Variants in DNAJC10 observed in about 807,000 individuals in gnomAD.
DNAJC10 encodes DnaJ heat shock protein family (Hsp40) member C10.
In DNAJC10, 101 loss-of-function variants were observed where a neutral mutation model predicts 115.0. The observed-to-expected ratio is 0.88, with a 90% CI of 0.75 to 1.04. The LOEUF is 1.04. DNAJC10 is among the 50% of genes least tolerant of loss of function. The pLI, the probability that DNAJC10 is intolerant of heterozygous loss-of-function variation, is 0.00. For missense variants in DNAJC10, 981 were observed against 928.8 expected (o/e 1.06, Z -0.73); for synonymous variants, 307 against 301.5 (o/e 1.02, Z -0.19).
In DNAJC10 at chr2:182,777,138, T is replaced by C; in HGVS notation, c.*6T>C. The C allele has an allele frequency of 1.4e-6, 2 of 1,406,142 alleles. No individual in the cohort carries two copies. The highest frequency in any genetic ancestry group is 1.9e-6 in the Non-Finnish European group (2 of 1,042,438). 87.1% of individuals were successfully genotyped at this position (1,406,142 alleles called of 1,614,324 possible). ...TATTATAGGATGAACTTTGATAATG[T>C]TGAAGATGAAGAAAAAGTTTAAAAG... On this transcript the variant is annotated 3_prime_UTR_variant, in exon 24 of 24. Coordinates refer to ENST00000264065, the MANE Select transcript of DNAJC10 (RefSeq NM_018981.4).
At chr2:182,752,294 A>G (rs1212731332) in intron 16 of DNAJC10, 106 bp downstream of exon 16, 6 of 517,536 alleles carry the variant, frequency 1.2e-5, no homozygotes, top group Admixed American at 3.7e-5. Context: ...TACATCTTCT[A>G]TTTAGAGTAG....
chr2:182,750,259 AT>A (rs1693981570), intron 14 of DNAJC10, among the ~76,000 whole-genome samples: 1 of 152,170 alleles, frequency 6.6e-6, no homozygotes, highest in Admixed American at 6.5e-5. Flanking sequence ...TAGAAAATGG[AT>A]TAGTTAAGGA....
intron 16 of DNAJC10, 74 bp downstream of exon 16, chr2:182,752,262 C>T: frequency 1.5e-6 from 1 of 687,618 alleles, no homozygotes; most frequent in Non-Finnish European, 2.3e-6. Flanking sequence ...ATTATTAAAA[C>T]ATTAAAATAA....
In DNAJC10 at chr2:182,783,111, T is replaced by C. The variant is rs1421077116; in HGVS notation, c.*5979T>C. ...TCTAGTTTTTTGAGTGTTTTTAGCA[T>C]GAAAGGGTGTTAATTTTATCGAAGG... On this transcript the variant is annotated 3_prime_UTR_variant, in exon 24 of 24. Transcript: ENST00000264065. The C allele has an allele frequency of 2.0e-5, 3 of 152,234 alleles. No individual in the cohort carries two copies. Among genetic ancestry groups the C allele is most frequent in the Non-Finnish European group, 4.4e-5 (3 of 68,046 alleles). 9.4% of individuals were successfully genotyped at this position (152,234 alleles called of 1,614,324 possible).
At chr2:182,754,775 G>A (rs1694114439) in intron 16 of DNAJC10, 1 of 1,256,418 alleles carries the variant, frequency 8.0e-7, no homozygotes, top group East Asian at 3.6e-5. Flanking sequence ...TGGTTCTCAT[G>A]GCGAATGGAG....
chr2:182,722,855 G>A (rs888836937), intron 5 of DNAJC10, among the ~76,000 whole-genome samples: 13 of 151,880 alleles, frequency 8.6e-5, no homozygotes, highest in Admixed American at 1.3e-4. Context: ...CACAAGAATC[G>A]CGTGAATCTG....
In DNAJC10 at chr2:182,774,817, A is replaced by AC. The variant is rs56680666; in HGVS notation, c.2266-491dup. Among the ~76,000 whole-genome samples the AC allele has an allele frequency of 3.5e-3, 534 of 151,956 alleles. 3 individuals carry two copies. The highest frequency in any genetic ancestry group is 6.0e-3 in the Non-Finnish European group (411 of 67,946). On this transcript the variant is annotated intron_variant, in intron 22 of 23. Coordinates refer to ENST00000264065, the MANE Select transcript of DNAJC10 (RefSeq NM_018981.4). ...CTTTGCACTTCCCGGGTGAGACAAC[A>AC]CCCCCCCCAATCCCCGCCCTGGCGT...
rs1694856442 is a variant in DNAJC10 at position 182,781,915 on chromosome 2, T to C, written c.*4783T>C. On this transcript the variant is annotated 3_prime_UTR_variant, in exon 24 of 24. Coordinates refer to ENST00000264065, the MANE Select transcript of DNAJC10 (RefSeq NM_018981.4). ...CATTCTGTAGGTTGCCTGTTCACTCTGATCATAGTTTCTTTTGCCATGCAG... is the reference window on the plus strand; with the variant it reads ...CATTCTGTAGGTTGCCTGTTCACTCCGATCATAGTTTCTTTTGCCATGCAG... 6.6e-6 allele frequency: 1 copy of C among 152,224 alleles called. No homozygotes were observed. Among genetic ancestry groups the C allele is most frequent in the Admixed American group, 6.5e-5 (1 of 15,280 alleles). 9.4% of individuals were successfully genotyped at this position (152,224 alleles called of 1,614,324 possible). A position where few individuals can be genotyped will look rare whatever the true frequency, so the allele number is the denominator to read the frequency against.
chr2:182,760,366 T>G (rs1009716744), intron 21 of DNAJC10, among the ~76,000 whole-genome samples: 1 of 152,194 alleles, frequency 6.6e-6, no homozygotes, highest in African/African-American at 2.4e-5. Context: ...ATATTTAATT[T>G]GACCAGAAAT....
chr2:182,722,487 C>A (rs1179176296), intron 5 of DNAJC10, among the ~76,000 whole-genome samples: 3 of 152,216 alleles, frequency 2.0e-5, no homozygotes, highest in Admixed American at 2.0e-4. Flanking sequence ...CTGCATTTTC[C>A]ATTGCATTTT....
intron 2 of DNAJC10, among the ~76,000 whole-genome samples, 190 bp from the exon 3 acceptor site, chr2:182,717,751 T>G (rs1228327612): frequency 1.3e-5 from 2 of 152,220 alleles, no homozygotes; most frequent in Non-Finnish European, 2.9e-5. Context: ...TGACCTTTTT[T>G]CTGCTATCTT....
chr2:182,783,146 C>T lies in DNAJC10; in HGVS notation c.*6014C>T, dbSNP rs778551898. On this transcript the variant is annotated 3_prime_UTR_variant, in exon 24 of 24. Coordinates refer to ENST00000264065, the MANE Select transcript of DNAJC10 (RefSeq NM_018981.4). ...TTAATTTTATCGAAGGCCTTTTCTG[C>T]ATCTATTGAGATAATCATGTTTTTG... is the stretch of plus-strand genomic sequence containing the variant. 2.0e-5 allele frequency: 3 copies of T among 152,110 alleles called. No individual in the cohort carries two copies. Among genetic ancestry groups the T allele is most frequent in the Non-Finnish European group, 4.4e-5 (3 of 68,034 alleles). 9.4% of individuals were successfully genotyped at this position (152,110 alleles called of 1,614,324 possible).
chr2:182,739,630 G>C, intron 11 of DNAJC10: 5 of 1,135,394 alleles, frequency 4.4e-6, no homozygotes, highest in South Asian at 2.0e-5. Context: ...AAATAAAGAA[G>C]ATTTGTTAGA....
rs113070014 is a variant in DNAJC10, at chr2:182,732,715, G to A, written c.849+173G>A. 2.2e-4 allele frequency: 127 copies of A among 589,362 alleles called. 1 individual carries two copies. In the African/African-American group the frequency reaches 2.2e-3, roughly 10 times the overall value. 36.5% of individuals were successfully genotyped at this position (589,362 alleles called of 1,614,324 possible). ...TGTTTTTTCCTGAATAATTAGTTACGTTCAATAAATTTTAACGTGGTATCA... is the reference window on the plus strand; with the variant it reads ...TGTTTTTTCCTGAATAATTAGTTACATTCAATAAATTTTAACGTGGTATCA... On this transcript the variant is annotated intron_variant, in intron 10 of 23. Coordinates refer to ENST00000264065, the MANE Select transcript of DNAJC10 (RefSeq NM_018981.4).
At chr2:182,744,221 C>A (rs1291380461) in intron 14 of DNAJC10, among the ~76,000 whole-genome samples, 1 of 152,170 alleles carries the variant, frequency 6.6e-6, no homozygotes, top group African/African-American at 2.4e-5. Context: ...ACAGCAGAGT[C>A]CTTGTCCTGA....
At chr2:182,729,396 A>G (rs1483220624) in intron 7 of DNAJC10, among the ~76,000 whole-genome samples, 1 of 152,108 alleles carries the variant, frequency 6.6e-6, no homozygotes, top group African/African-American at 2.4e-5. Flanking sequence ...TGATCTGCCC[A>G]CCTCAGCCTC....
Position 182,782,402 on chromosome 2 carries a change from C to CT in DNAJC10, c.*5280dup, listed in dbSNP as rs894156120. The CT allele has an allele frequency of 5.0e-3, 729 of 146,482 alleles. 14 individuals carry two copies. The highest frequency in any genetic ancestry group is 0.012 in the East Asian group (62 of 5,062). The allele number at this position is 146,482 out of a possible 1,614,324, so 9.1% of individuals were successfully genotyped here. Reference sequence around the variant, plus strand: ...TAGGATTGCCTTGGCTATATGGGCTCTTTTTTTTTTGGTTCCATATGAAAT... The same window carrying CT: ...TAGGATTGCCTTGGCTATATGGGCTCTTTTTTTTTTTGGTTCCATATGAAAT... On this transcript the variant is annotated 3_prime_UTR_variant, in exon 24 of 24. Transcript: ENST00000264065.
intron 22 of DNAJC10, among the ~76,000 whole-genome samples, chr2:182,771,966 A>G (rs1391649439): frequency 6.6e-6 from 1 of 152,184 alleles, no homozygotes; most frequent in East Asian, 1.9e-4. Flanking sequence ...TAGTGCTATA[A>G]ATTTCCCTCT....
At chr2:182,770,267 C>G (rs1031523327) in intron 22 of DNAJC10, among the ~76,000 whole-genome samples, 7 of 152,044 alleles carry the variant, frequency 4.6e-5, no homozygotes, top group African/African-American at 1.7e-4. Context: ...CACCTTTGTT[C>G]TTTTTGCTTA....
Sources: gnomAD v4.1 joint callset for allele counts (sites outside exome capture counted in the v4.1 genomes callset) on GRCh38, gnomAD v4.1.1 for gene constraint, MANE v1.5 for transcripts, NCBI Gene and HGNC (gene_info 2026-07-23, HGNC 2026-07-21) for gene names.